Variants in GNB4 observed in about 807,000 individuals in gnomAD.
GNB4 encodes the protein guanine nucleotide-binding protein subunit beta-4.
GNB4 carries 28 observed loss-of-function variants against 45.2 expected under a neutral mutation model. The ratio of observed to expected loss-of-function variants is 0.62; its 90% CI spans 0.46 to 0.85. The LOEUF (loss-of-function observed/expected upper bound fraction) is 0.85, where lower values mean the gene tolerates loss of function less well. Among genes scored for constraint, GNB4 ranks in the 40% least tolerant of loss-of-function variants. The pLI is 0.00. For missense variants in GNB4, 321 were observed against 425.4 expected (o/e 0.75, Z 2.16); for synonymous variants, 132 against 143.7 (o/e 0.92, Z 0.58).
chr3:179,450,383 T>C (rs1271861272), intron 1 of GNB4, among the ~76,000 whole-genome samples: 4 of 152,242 alleles, frequency 2.6e-5, no homozygotes, highest in African/African-American at 9.6e-5. Flanking sequence ...GTTCTGTCTC[T>C]GTCCTAGAAG....
chr3:179,494,296 A>G, the GNB4 span, among the ~76,000 whole-genome samples: 1 of 145,878 alleles, frequency 6.9e-6, no homozygotes, highest in Non-Finnish European at 1.5e-5. Flanking sequence ...AGAAAGAAAG[A>G]GAGAGGAAGG....
chr3:179,457,669 C>T, the GNB4 span, among the ~76,000 whole-genome samples: 99 of 152,246 alleles, frequency 6.5e-4, no homozygotes, highest in African/African-American at 2.3e-3. Context: ...AAGGTATCTT[C>T]GTATCTATTT....
the GNB4 span, among the ~76,000 whole-genome samples, chr3:179,504,886 G>A: frequency 2.0e-5 from 3 of 152,274 alleles, 1 homozygote; most frequent in East Asian, 1.9e-4. Context: ...CCAGAAGCAG[G>A]AGCTCTGGGA....
At chr3:179,522,825 A>G in the GNB4 span, among the ~76,000 whole-genome samples, 2 of 152,162 alleles carry the variant, frequency 1.3e-5, no homozygotes, top group Non-Finnish European at 2.9e-5. Flanking sequence ...AGCCTAAAAC[A>G]GTAAGGGCAA....
chr3:179,407,666 G>A (rs1176939195), intron 8 of GNB4, among the ~76,000 whole-genome samples: 1 of 152,132 alleles, frequency 6.6e-6, no homozygotes, highest in Non-Finnish European at 1.5e-5. Flanking sequence ...TGTCAGAGAG[G>A]ACAATGCTTG....
At chr3:179,498,473 G>T in the GNB4 span, among the ~76,000 whole-genome samples, 1 of 152,110 alleles carries the variant, frequency 6.6e-6, no homozygotes, top group Non-Finnish European at 1.5e-5. Context: ...GTCTTGCTTT[G>T]TTGCCCAGGC....
the GNB4 span, among the ~76,000 whole-genome samples, chr3:179,505,574 T>C: frequency 1.3e-5 from 2 of 152,234 alleles, no homozygotes; most frequent in Non-Finnish European, 2.9e-5. Context: ...CACAGGAATT[T>C]AGAGCTGAGG....
At chr3:179,440,449 T>C (rs1404551558) in intron 1 of GNB4, among the ~76,000 whole-genome samples, 1 of 152,216 alleles carries the variant, frequency 6.6e-6, no homozygotes, top group Non-Finnish European at 1.5e-5. Flanking sequence ...GAAAATAGTG[T>C]TTCATGTATT....
chr3:179,509,168 T>TATAC, the GNB4 span, among the ~76,000 whole-genome samples: 6,656 of 146,900 alleles, frequency 0.045, 341 homozygotes, highest in East Asian at 0.15. Context: ...TATATATACA[T>TATAC]ACACACACAC....
chr3:179,413,934 C>T (rs950506867), intron 6 of GNB4, among the ~76,000 whole-genome samples, 153 bp from the exon 7 acceptor site: 1 of 152,112 alleles, frequency 6.6e-6, no homozygotes, highest in Non-Finnish European at 1.5e-5. Context: ...TACTTCAAAT[C>T]CTACATTGTC....
At chr3:179,483,612 C>T in the GNB4 span, among the ~76,000 whole-genome samples, 1 of 152,056 alleles carries the variant, frequency 6.6e-6, no homozygotes, top group Non-Finnish European at 1.5e-5. Flanking sequence ...CTTGATGAAG[C>T]AATCATTGAA....
At chr3:179,441,291 T>C (rs1715587274) in intron 1 of GNB4, among the ~76,000 whole-genome samples, 1 of 152,242 alleles carries the variant, frequency 6.6e-6, no homozygotes, top group African/African-American at 2.4e-5. Flanking sequence ...ACCTAGATGG[T>C]ATTGCCTACC....
At chr3:179,501,361 C>T in the GNB4 span, among the ~76,000 whole-genome samples, 1 of 148,628 alleles carries the variant, frequency 6.7e-6, no homozygotes, top group South Asian at 2.1e-4. Context: ...TGCAGTGGTG[C>T]TATCTCAGCT....
At chr3:179,462,856 C>G in the GNB4 span, among the ~76,000 whole-genome samples, 1 of 152,102 alleles carries the variant, frequency 6.6e-6, no homozygotes, top group Non-Finnish European at 1.5e-5. Flanking sequence ...ATTATTGGTT[C>G]ACTTTCCTGT....
intron 8 of GNB4, 115 bp downstream of exon 8, chr3:179,413,297 A>G (rs1577028380): frequency 5.2e-6 from 4 of 769,290 alleles, no homozygotes; most frequent in Non-Finnish European, 8.8e-6. Context: ...ATTCAAAGTT[A>G]TAAGAGCACA....
At chr3:179,485,696 T>A in the GNB4 span, among the ~76,000 whole-genome samples, 1 of 152,194 alleles carries the variant, frequency 6.6e-6, no homozygotes, top group Non-Finnish European at 1.5e-5. Context: ...ATCCCAGCAC[T>A]TTGGGAGGCC....
the GNB4 span, among the ~76,000 whole-genome samples, chr3:179,492,119 G>A: frequency 6.6e-6 from 1 of 152,196 alleles, no homozygotes; most frequent in Admixed American, 6.5e-5. Context: ...GAGGCACCAA[G>A]AGTGATACTC....
At chr3:179,522,795 T>C in the GNB4 span, among the ~76,000 whole-genome samples, 1 of 152,072 alleles carries the variant, frequency 6.6e-6, no homozygotes, top group African/African-American at 2.4e-5. Flanking sequence ...AGGTGTGGTA[T>C]CAGGAATAAT....
upstream of GNB4, among the ~76,000 whole-genome samples, chr3:179,452,691 T>A (rs1715914965): frequency 6.6e-6 from 1 of 152,194 alleles, no homozygotes; most frequent in Admixed American, 6.5e-5. Flanking sequence ...CAGCTGTTTC[T>A]ATTTTCTTTA....
Sources: allele counts gnomAD v4.1 joint callset (sites outside exome capture counted in the v4.1 genomes callset), GRCh38; gene constraint gnomAD v4.1.1; transcripts MANE v1.5; gene names NCBI Gene and HGNC (gene_info 2026-07-23, HGNC 2026-07-21).